Variants in ATR observed in about 807,000 individuals in gnomAD.
ATR encodes serine/threonine-protein kinase ATR.
A neutral mutation model predicts 305.3 loss-of-function variants in ATR; 142 were observed. The observed-to-expected ratio is 0.47, with a 90% CI of 0.41 to 0.53. The LOEUF (loss-of-function observed/expected upper bound fraction) is 0.53, where lower values mean the gene tolerates loss of function less well. Ranked by LOEUF, ATR falls within the 20% of genes least tolerant of loss-of-function variation. The pLI is 0.00. For missense variants in ATR, 2,135 were observed against 3,133.1 expected (o/e 0.68, Z 7.60); for synonymous variants, 1,050 against 1,068.1 (o/e 0.98, Z 0.33).
chr3:142,562,203 C>G, intron 4 of ATR, 29 bp downstream of exon 4: 1 of 1,611,998 alleles, frequency 6.2e-7, no homozygotes, highest in Non-Finnish European at 8.5e-7. Context: ...AAAATACATA[C>G]TTAACTAGTA....
chr3:142,549,685 T>C lies in ATR; in HGVS notation c.2977-12A>G, dbSNP rs1307398333. Reference sequence around the variant, plus strand: ...ACTTGTAATGTCCTCTGAAAAAGAATGCAACAATTACCAAAAAGTACATTT... The same window carrying C: ...ACTTGTAATGTCCTCTGAAAAAGAACGCAACAATTACCAAAAAGTACATTT... On this transcript the variant is annotated splice_polypyrimidine_tract_variant and intron_variant, in intron 14 of 46. Transcript: ENST00000350721. 2 of 1,612,142 alleles carry C rather than the reference T, an allele frequency of 1.2e-6. No homozygotes were observed. Among genetic ancestry groups the C allele is most frequent in the Non-Finnish European group, 1.7e-6 (2 of 1,178,824 alleles).
chr3:142,481,309 TC>T (rs1168625910), intron 36 of ATR, among the ~76,000 whole-genome samples: 1 of 152,234 alleles, frequency 6.6e-6, no homozygotes, highest in African/African-American at 2.4e-5. Flanking sequence ...GATGAGATGA[TC>T]ATATGGTTTT....
Position 142,553,295 on chromosome 3 carries a change from C to A in ATR, c.2737G>T (p.Ala913Ser). The change falls in exon 13 of 47, where the codon GCT becomes TCT. Residue 913 changes from alanine to serine, a missense_variant. By Grantham distance (99) the Ala-to-Ser change is moderately conservative. Transcript: ENST00000350721. ...VSGAAYTEIR[A>S]LVAAKSVKLQ... ...TTAACACTTTTAGCTGCAACCAGAGCTCTAATTTCTGTGTATGCTGCTCCA... is the reference window on the plus strand; with the variant it reads ...TTAACACTTTTAGCTGCAACCAGAGATCTAATTTCTGTGTATGCTGCTCCA... 1 of 1,614,108 alleles carries A rather than the reference C, an allele frequency of 6.2e-7. No homozygotes were observed. The highest frequency in any genetic ancestry group is 8.5e-7 in the Non-Finnish European group (1 of 1,180,008).
chr3:142,541,011 C>T lies in ATR; in HGVS notation c.3474G>A (p.Leu1158=). 1 of 1,613,628 alleles carries T rather than the reference C, an allele frequency of 6.2e-7. No homozygotes were observed. Among genetic ancestry groups the T allele is most frequent in the Non-Finnish European group, 8.5e-7 (1 of 1,179,658 alleles). ...KKMALNSLMS[L]MKLMGPKHVS... ...CATGTTTGGGTCCCATTAACTTCAT[C>T]AAAGACATCAAACTGTTCAAGGCCT... The change falls in exon 18 of 47, where the codon TTG becomes TTA. Residue 1158 remains leucine (L), a synonymous_variant. Transcript: ENST00000350721.
intron 25 of ATR, 44 bp downstream of exon 25, chr3:142,515,351 T>G (rs1396932780): frequency 1.9e-6 from 3 of 1,610,010 alleles, no homozygotes; most frequent in Admixed American, 1.7e-5. Context: ...TCTGGTTTCC[T>G]TTAGAATTTC....
intron 1 of ATR, among the ~76,000 whole-genome samples, chr3:142,575,399 G>C (rs1057045747): frequency 6.0e-5 from 9 of 150,792 alleles, no homozygotes; most frequent in Non-Finnish European, 1.2e-4. Context: ...CAGGAAAATC[G>C]CTTGAACCCG....
intron 1 of ATR, among the ~76,000 whole-genome samples, chr3:142,568,750 T>C: frequency 6.6e-6 from 1 of 152,162 alleles, no homozygotes; most frequent in East Asian, 1.9e-4. Context: ...CTCTCCCCGC[T>C]CCCGGCACCC....
intron 42 of ATR, among the ~76,000 whole-genome samples, chr3:142,460,915 G>C (rs2071011039): frequency 6.6e-6 from 1 of 152,008 alleles, no homozygotes; most frequent in South Asian, 2.1e-4. Flanking sequence ...TTCAAATCAG[G>C]AAATTCTTAT....
intron 2 of ATR, among the ~76,000 whole-genome samples, 198 bp from the exon 3 acceptor site, chr3:142,566,459 A>C (rs1282314973): frequency 6.6e-6 from 1 of 152,016 alleles, no homozygotes; most frequent in Non-Finnish European, 1.5e-5. Context: ...TCTCTACAAA[A>C]AAAATTTTTC....
At chr3:142,499,990 C>G in intron 30 of ATR, 1 of 320,852 alleles carries the variant, frequency 3.1e-6, no homozygotes, top group Non-Finnish European at 5.8e-6. Context: ...TATATTAGAG[C>G]AGAGTTAATT....
chr3:142,482,989 CTTTT>C (rs56912666), intron 36 of ATR, among the ~76,000 whole-genome samples: 3 of 135,688 alleles, frequency 2.2e-5, no homozygotes, highest in South Asian at 2.4e-4. Context: ...CCCTTTCTTT[CTTTT>C]TTTTTTTTCT....
intron 31 of ATR, chr3:142,499,102 A>T (rs2031808583): frequency 2.6e-6 from 1 of 380,168 alleles, no homozygotes. Flanking sequence ...ACTGGTCTAG[A>T]GCTCTTGGCT....
chr3:142,471,076 C>A (rs566362532), intron 36 of ATR, among the ~76,000 whole-genome samples: 1 of 152,190 alleles, frequency 6.6e-6, no homozygotes, highest in South Asian at 2.1e-4. Flanking sequence ...CAAATTGGAA[C>A]CTCGTACCTA....
chr3:142,453,026 C>T, intron 46 of ATR, 102 bp downstream of exon 46: 1 of 1,565,046 alleles, frequency 6.4e-7, no homozygotes, highest in Non-Finnish European at 8.7e-7. Context: ...AACAGTATTT[C>T]CAAGCAGTTC....
In ATR at chr3:142,461,784, G is replaced by T. The variant is rs555552104; in HGVS notation, c.7192+156C>A. The stretch of plus-strand genomic sequence containing the variant: ...AGGAAGGAAGGAAGAAAGGAAGGAA[G>T]GGATGGAAACACTTAAGTGTTTCTG... On this transcript the variant is annotated intron_variant, in intron 42 of 46. Coordinates refer to ENST00000350721, the MANE Select transcript of ATR (RefSeq NM_001184.4). Among the ~76,000 whole-genome samples, 78 of 152,210 alleles carry T rather than the reference G, an allele frequency of 5.1e-4. 1 individual carries two copies. Among genetic ancestry groups the T allele is most frequent in the African/African-American group, 1.7e-3 (69 of 41,564 alleles).
intron 6 of ATR, 73 bp from the exon 7 acceptor site, chr3:142,559,514 G>T: frequency 6.8e-7 from 1 of 1,461,274 alleles, no homozygotes; most frequent in Non-Finnish European, 9.5e-7. Flanking sequence ...TAAAATTGTA[G>T]TAAAGCCAAA....
At chr3:142,576,280 A>C (rs1156654410) in intron 1 of ATR, among the ~76,000 whole-genome samples, 1 of 152,254 alleles carries the variant, frequency 6.6e-6, no homozygotes, top group Non-Finnish European at 1.5e-5. Flanking sequence ...GCAGTAAATC[A>C]GGCGTTCTGC....
intron 2 of ATR, among the ~76,000 whole-genome samples, chr3:142,567,535 C>T (rs780591630): frequency 5.3e-5 from 8 of 152,160 alleles, no homozygotes; most frequent in Non-Finnish European, 1.0e-4. Context: ...TTATCCCTCC[C>T]ATGTAATTTC....
intron 7 of ATR, 74 bp downstream of exon 7, chr3:142,559,177 G>A: frequency 6.6e-7 from 1 of 1,504,980 alleles, no homozygotes. Context: ...TTAGGCTTCA[G>A]GCAAAAAAGA....
Sources: gnomAD v4.1 joint callset for allele counts (sites outside exome capture counted in the v4.1 genomes callset) on GRCh38, gnomAD v4.1.1 for gene constraint, MANE v1.5 for transcripts, NCBI Gene and HGNC (gene_info 2026-07-23, HGNC 2026-07-21) for gene names.